Variants in ELF5 observed in about 807,000 individuals in gnomAD.
ELF5 encodes the protein E74 like ETS transcription factor 5.
A neutral mutation model predicts 38.2 loss-of-function variants in ELF5; 31 were observed. The observed-to-expected ratio is 0.81, with a 90% CI of 0.61 to 1.10. The LOEUF (loss-of-function observed/expected upper bound fraction) is 1.10. ELF5 is among the 50% of genes least tolerant of loss of function. The pLI, the probability that ELF5 is intolerant of heterozygous loss-of-function variation, is 0.00. For missense variants in ELF5, 300 were observed against 306.6 expected (o/e 0.98, Z 0.16); for synonymous variants, 121 against 112.5 (o/e 1.08, Z -0.48).
intron 1 of ELF5, chr11:34,511,873 G>C (rs1020250012): frequency 1.2e-5 from 5 of 410,744 alleles, no homozygotes; most frequent in Non-Finnish European, 2.2e-5. Flanking sequence ...CTGGGCATGT[G>C]ACCAAAAATT....
intron 2 of ELF5, 138 bp from the exon 3 acceptor site, chr11:34,493,850 G>A (rs1259128156): frequency 2.9e-6 from 2 of 692,954 alleles, no homozygotes; most frequent in Non-Finnish European, 4.8e-6. Flanking sequence ...TGGGTGTTCT[G>A]CAGAGCCCAG....
At chr11:34,513,476 C>A (rs1013855687) in intron 1 of ELF5, among the ~76,000 whole-genome samples, 14 of 152,200 alleles carry the variant, frequency 9.2e-5, no homozygotes, top group Non-Finnish European at 1.9e-4. Flanking sequence ...GGTGGCCACA[C>A]GGCCTGCGGA....
At chr11:34,494,223 A>G (rs1850259161) in intron 2 of ELF5, among the ~76,000 whole-genome samples, 1 of 152,238 alleles carries the variant, frequency 6.6e-6, no homozygotes, top group Non-Finnish European at 1.5e-5. Context: ...AATGGCACAC[A>G]GAAACTTACC....
rs1348505399 is a variant in ELF5 at position 34,493,134 on chromosome 11, G to A, written c.355+345C>T. ...ATTTTATTCCTCTTCTGCTTAATGA[G>A]AGATGAAGCACAAACCTCTTTTTTG... is the stretch of plus-strand genomic sequence containing the variant. On this transcript the variant is annotated intron_variant, in intron 3 of 6. Transcript: ENST00000257832. 39 of 471,756 alleles carry A rather than the reference G, an allele frequency of 8.3e-5. No individual in the cohort carries two copies. The East Asian group carries it at 1.3e-3, about 15-fold the overall frequency. The allele number at this position is 471,756 out of a possible 1,614,324, so 29.2% of individuals were successfully genotyped here.
chr11:34,481,668 G>A (rs186517040), intron 5 of ELF5, among the ~76,000 whole-genome samples: 1 of 152,258 alleles, frequency 6.6e-6, no homozygotes, highest in Admixed American at 6.5e-5. Context: ...GACTGATCCT[G>A]CAAATTCGTT....
At chr11:34,509,546 C>G (rs1007361338) in intron 1 of ELF5, among the ~76,000 whole-genome samples, 23 of 151,428 alleles carry the variant, frequency 1.5e-4, no homozygotes, top group South Asian at 4.2e-4. Context: ...CCCAATCAAA[C>G]AGATGTCAAG....
intron 2 of ELF5, among the ~76,000 whole-genome samples, chr11:34,501,580 C>T (rs968917593): frequency 2.0e-5 from 3 of 152,114 alleles, no homozygotes; most frequent in African/African-American, 7.2e-5. Context: ...AGCCTCCCCC[C>T]CAACCAACTC....
chr11:34,498,416 C>G (rs1850369096), intron 2 of ELF5, among the ~76,000 whole-genome samples: 1 of 151,898 alleles, frequency 6.6e-6, no homozygotes, highest in African/African-American at 2.4e-5. Flanking sequence ...TTATTTTCTT[C>G]ATAAAAAAAT....
At chr11:34,509,291 G>A (rs570737513) in intron 1 of ELF5, among the ~76,000 whole-genome samples, 1 of 152,234 alleles carries the variant, frequency 6.6e-6, no homozygotes, top group Admixed American at 6.5e-5. Context: ...TCGTGCCACT[G>A]CACTCCAGCC....
chr11:34,502,768 A>G (rs955112827), intron 2 of ELF5, among the ~76,000 whole-genome samples: 1 of 152,152 alleles, frequency 6.6e-6, no homozygotes, highest in African/African-American at 2.4e-5. Flanking sequence ...GCATGACTTG[A>G]TGGGAATTTC....
chr11:34,508,747 C>A (rs748572188), intron 1 of ELF5, among the ~76,000 whole-genome samples: 2 of 152,162 alleles, frequency 1.3e-5, no homozygotes, highest in South Asian at 4.1e-4. Flanking sequence ...TTTCCCTCCT[C>A]GCCTCCACCA....
intron 4 of ELF5, among the ~76,000 whole-genome samples, chr11:34,485,381 CT>C (rs1443198714): frequency 6.6e-6 from 1 of 152,184 alleles, no homozygotes; most frequent in Non-Finnish European, 1.5e-5. Context: ...TGAGATATGT[CT>C]ATTACTACCC....
At chr11:34,486,426 G>A (rs1849998173) in intron 4 of ELF5, among the ~76,000 whole-genome samples, 1 of 152,162 alleles carries the variant, frequency 6.6e-6, no homozygotes, top group African/African-American at 2.4e-5. Flanking sequence ...ACCTTCAGTG[G>A]GCACTAAGTT....
At chr11:34,508,391 T>A (rs1456387719) in intron 1 of ELF5, among the ~76,000 whole-genome samples, 1 of 152,042 alleles carries the variant, frequency 6.6e-6, no homozygotes, top group Non-Finnish European at 1.5e-5. Context: ...CAATCCCAGC[T>A]ACTCGGGAGA....
chr11:34,484,070 A>T (rs1267219761), intron 4 of ELF5, among the ~76,000 whole-genome samples: 1 of 151,424 alleles, frequency 6.6e-6, no homozygotes, highest in Non-Finnish European at 1.5e-5. Context: ...ACTATACTGT[A>T]CTGTGCTATA....
chr11:34,480,141 G>C lies in ELF5; in HGVS notation c.*77C>G. 8.6e-7 allele frequency: 1 copy of C among 1,169,400 alleles called. No homozygotes were observed. Among genetic ancestry groups the C allele is most frequent in the Non-Finnish European group, 1.2e-6 (1 of 802,400 alleles). The allele number at this position is 1,169,400 out of a possible 1,614,324, so 72.4% of individuals were successfully genotyped here. A position where few individuals can be genotyped will look rare whatever the true frequency, so the allele number is the denominator to read the frequency against. ...TTAAAAAAAAAGAGAAGAAAATGAA[G>C]CCTTTCGAATGTCTATTGCAATCTG... is the stretch of plus-strand genomic sequence containing the variant. On this transcript the variant is annotated 3_prime_UTR_variant, in exon 7 of 7. Coordinates refer to ENST00000257832, the MANE Select transcript of ELF5 (RefSeq NM_001422.4).
intron 1 of ELF5, among the ~76,000 whole-genome samples, chr11:34,507,803 T>TC (rs1229040602): frequency 6.6e-6 from 1 of 152,236 alleles, no homozygotes; most frequent in East Asian, 1.9e-4. Context: ...ACATAGCTGC[T>TC]CAAGATCACA....
intron 2 of ELF5, among the ~76,000 whole-genome samples, chr11:34,500,340 G>A (rs1412146177): frequency 6.6e-6 from 1 of 152,204 alleles, no homozygotes; most frequent in Non-Finnish European, 1.5e-5. Flanking sequence ...GTCACTGAAA[G>A]GAAGGACTTT....
At chr11:34,480,622 T>A in intron 6 of ELF5, 150 bp downstream of exon 6, 1 of 832,920 alleles carries the variant, frequency 1.2e-6, no homozygotes, top group Non-Finnish European at 1.8e-6. Flanking sequence ...TTACAAACCA[T>A]AATCCTACCT....
Sources: allele counts gnomAD v4.1 joint callset (sites outside exome capture counted in the v4.1 genomes callset), GRCh38; gene constraint gnomAD v4.1.1; transcripts MANE v1.5; gene names NCBI Gene and HGNC (gene_info 2026-07-23, HGNC 2026-07-21).